Variants in BMX observed in about 807,000 individuals in gnomAD.
BMX encodes BMX non-receptor tyrosine kinase.
A neutral mutation model predicts 59.2 loss-of-function variants in BMX; 31 were observed. The ratio of observed to expected loss-of-function variants is 0.52; its 90% confidence interval spans 0.39 to 0.71. The LOEUF (loss-of-function observed/expected upper bound fraction) is 0.71. Among genes scored for constraint, BMX ranks in the 30% least tolerant of loss-of-function variants. The pLI is 0.00. For missense variants in BMX, 474 were observed against 491.7 expected, an observed-to-expected ratio of 0.96 and a Z score of 0.34; for synonymous variants, 185 against 181.0, an observed-to-expected ratio of 1.02 and a Z score of -0.18.
At chrX:15,529,863 G>T in intron 9 of BMX, 110 bp from the exon 10 acceptor site, 1 of 630,217 alleles carries the variant, frequency 1.6e-6, no homozygotes, top group Non-Finnish European at 2.5e-6. Flanking sequence ...GTTAGGCTTG[G>T]AAACCCCTGA....
chrX:15,542,116 C>A lies in BMX; in HGVS notation c.1529C>A (p.Pro510His). ...AGGAGTCACGGAAAAGGACTTGAAC[C>A]TTCCCAGCTCTTAGAAATGTGCTAC... Reference protein sequence around the residue: ...YLRSHGKGLEPSQLLEMCYDV... With the variant: ...YLRSHGKGLEHSQLLEMCYDV... Residue 510 changes from proline (P) to histidine (H), a missense_variant, in exon 15 of 19, where the codon CCT becomes CAT. Physicochemically the swap from Pro to His is moderately conservative, Grantham distance 77. Transcript: ENST00000348343. 2 of 1,211,432 alleles carry A rather than the reference C, an allele frequency of 1.7e-6. No individual in the cohort carries two copies. The highest frequency in any genetic ancestry group is 2.2e-6 in the Non-Finnish European group (2 of 895,319).
chrX:15,503,585 G>T (rs1923641953), intron 1 of BMX, among the ~76,000 whole-genome samples: 1 of 112,179 alleles, frequency 8.9e-6, no homozygotes, highest in Non-Finnish European at 1.9e-5. Flanking sequence ...CACTTAGGCT[G>T]CTGGGGCTCA....
chrX:15,525,267 T>A, intron 7 of BMX, 21 bp from the exon 8 acceptor site: 1 of 1,198,149 alleles, frequency 8.3e-7, no homozygotes. Flanking sequence ...TATAAACTTA[T>A]AAAATGTCTC....
chrX:15,541,791 A>T, intron 14 of BMX, among the ~76,000 whole-genome samples, 191 bp from the exon 15 acceptor site: 1 of 111,362 alleles, frequency 9.0e-6, no homozygotes, highest in East Asian at 2.8e-4. Context: ...ATGAGGCAGA[A>T]ATTTTTTTTG....
At chrX:15,538,260 G>T (rs931351931) in intron 14 of BMX, among the ~76,000 whole-genome samples, 1 of 105,330 alleles carries the variant, frequency 9.5e-6, no homozygotes, top group African/African-American at 3.5e-5. Flanking sequence ...CCCTCTTCTT[G>T]TCAACATAGT....
intron 4 of BMX, among the ~76,000 whole-genome samples, chrX:15,514,868 T>C (rs1396450987): frequency 9.0e-6 from 1 of 111,442 alleles, no homozygotes; most frequent in African/African-American, 3.3e-5. Context: ...TGATTTTGAA[T>C]TGGATCCTTG....
At chrX:15,519,063 CT>C (rs1176268775) in intron 6 of BMX, among the ~76,000 whole-genome samples, 1 of 111,835 alleles carries the variant, frequency 8.9e-6, no homozygotes, top group African/African-American at 3.3e-5. Context: ...CTACTGCTGT[CT>C]TTTTGCTCTA....
At chrX:15,538,184 C>CCTCTTCCTCTCTCTCCTTCTCTCTCT (rs1416400669) in intron 14 of BMX, among the ~76,000 whole-genome samples, 2 of 107,311 alleles carry the variant, frequency 1.9e-5, no homozygotes, top group Non-Finnish European at 3.9e-5. Flanking sequence ...CCTCTCTCTC[C>CCTCTTCCTCTCTCTCCTTCTCTCTCT]CTCTTCCTCT....
intron 16 of BMX, among the ~76,000 whole-genome samples, chrX:15,543,478 T>C (rs183405874): frequency 1.5e-4 from 17 of 111,354 alleles, no homozygotes; most frequent in Admixed American, 1.4e-3. Flanking sequence ...ATGGGGTACA[T>C]GTGATGTTTT....
At chrX:15,530,102 C>G in intron 10 of BMX, 75 bp downstream of exon 10, 1 of 960,921 alleles carries the variant, frequency 1.0e-6, no homozygotes, top group Admixed American at 2.3e-5. Flanking sequence ...ATGCATTTCT[C>G]ATAGAAACCT....
At chrX:15,551,090 A>C (rs1041251253) in intron 18 of BMX, among the ~76,000 whole-genome samples, 1 of 111,803 alleles carries the variant, frequency 8.9e-6, no homozygotes, top group Non-Finnish European at 1.9e-5. Context: ...CTGCAAAGTG[A>C]ATAACAAGGA....
chrX:15,528,926 T>G (rs771495482), intron 9 of BMX, among the ~76,000 whole-genome samples: 10 of 112,213 alleles, frequency 8.9e-5, no homozygotes, highest in Non-Finnish European at 1.1e-4. Flanking sequence ...GCCTTTTGAT[T>G]AGCTAGTATT....
intron 1 of BMX, among the ~76,000 whole-genome samples, chrX:15,503,321 C>T (rs188811490): frequency 4.4e-5 from 5 of 112,532 alleles, no homozygotes; most frequent in African/African-American, 1.6e-4. Context: ...AGATTCCTAT[C>T]GAAAGATTAT....
intron 11 of BMX, among the ~76,000 whole-genome samples, chrX:15,532,339 G>A (rs1057258689): frequency 1.7e-4 from 19 of 109,422 alleles, no homozygotes; most frequent in Non-Finnish European, 2.1e-4. Context: ...CCTTCTAATC[G>A]TCCTCCAAAG....
chrX:15,528,189 G>A (rs1215947755), intron 9 of BMX, among the ~76,000 whole-genome samples: 1 of 112,077 alleles, frequency 8.9e-6, no homozygotes, highest in Non-Finnish European at 1.9e-5. Context: ...CGGGATTATA[G>A]GGCTATAGGA....
chrX:15,538,850 T>TCTGTGTC (rs1925510472), intron 14 of BMX, among the ~76,000 whole-genome samples: 1 of 111,518 alleles, frequency 9.0e-6, no homozygotes, highest in Non-Finnish European at 1.9e-5. Flanking sequence ...AATATAGGCC[T>TCTGTGTC]TTGGCCCTAG....
At chrX:15,503,966 A>G (rs1270798659) in intron 1 of BMX, among the ~76,000 whole-genome samples, 1 of 111,831 alleles carries the variant, frequency 8.9e-6, no homozygotes, top group African/African-American at 3.3e-5. Flanking sequence ...CATAAGGTGG[A>G]GGTGTCATGA....
At chrX:15,547,440 CAT>C (rs1452102787) in intron 17 of BMX, among the ~76,000 whole-genome samples, 1 of 112,498 alleles carries the variant, frequency 8.9e-6, no homozygotes, top group African/African-American at 3.2e-5. Flanking sequence ...AAACACCACA[CAT>C]GACTTGGTAC....
chrX:15,542,037 C>A lies in BMX; in HGVS notation c.1450C>A (p.Pro484Thr). The A allele has an allele frequency of 2.5e-6, 3 of 1,210,588 alleles. No homozygotes were observed. The highest frequency in any genetic ancestry group is 1.7e-5 in the African/African-American group (1 of 57,666). Residue 484 changes from proline to threonine, a missense_variant, in exon 15 of 19, where the codon CCC (proline) becomes ACC (threonine). Physicochemically the swap from Pro to Thr is conservative, Grantham distance 38 (BLOSUM62 -1). Coordinates refer to ENST00000348343, the MANE Select transcript of BMX (RefSeq NM_203281.3). Reference sequence around the variant, plus strand: ...CTATGGAGTGTGTTCAAAGGAATACCCCATATACATAGTGACTGAATATAT... The same window carrying A: ...CTATGGAGTGTGTTCAAAGGAATACACCATATACATAGTGACTGAATATAT... ...KFYGVCSKEYPIYIVTEYISN... is the reference protein window; with the variant it reads ...KFYGVCSKEYTIYIVTEYISN...
Sources: gnomAD v4.1 joint callset for allele counts (sites outside exome capture counted in the v4.1 genomes callset) on GRCh38, gnomAD v4.1.1 for gene constraint, MANE v1.5 for transcripts, NCBI Gene and HGNC (gene_info 2026-07-23, HGNC 2026-07-21) for gene names.